GPHN: variants seen among roughly 807,000 people sequenced by gnomAD.
GPHN encodes the protein gephyrin.
A neutral mutation model predicts 95.5 loss-of-function variants in GPHN; 17 were observed. That is an observed-to-expected ratio of 0.18 (90% CI 0.12 to 0.27). The LOEUF is 0.27. Among genes scored for constraint, GPHN ranks in the 10% least tolerant of loss-of-function variants. The pLI is 1.00. For missense variants in GPHN, 660 were observed against 978.1 expected (o/e 0.67, Z 4.34); for synonymous variants, 320 against 322.5 (o/e 0.99, Z 0.08).
chr14:67,080,562 C>G (rs1485210639), intron 11 of GPHN, among the ~76,000 whole-genome samples: 1 of 151,930 alleles, frequency 6.6e-6, no homozygotes, highest in Non-Finnish European at 1.5e-5. Context: ...GTCTTTAATG[C>G]AGGTTGAGTT....
chr14:67,347,907 A>G, the GPHN span, among the ~76,000 whole-genome samples: 1 of 133,156 alleles, frequency 7.5e-6, no homozygotes, highest in African/African-American at 3.3e-5. Flanking sequence ...GAATTTAGGA[A>G]CTTGCCTTCT....
the GPHN span, among the ~76,000 whole-genome samples, chr14:67,399,072 A>G: frequency 6.6e-6 from 1 of 152,214 alleles, no homozygotes; most frequent in Admixed American, 6.5e-5. Context: ...ATATATTCCT[A>G]GAAAGAATAT....
the GPHN span, among the ~76,000 whole-genome samples, chr14:67,440,169 T>C: frequency 6.6e-6 from 1 of 152,214 alleles, no homozygotes; most frequent in East Asian, 1.9e-4. Context: ...ATCTGCATTT[T>C]CTTTATTGTG....
chr14:66,715,261 AC>A (rs1278577289), intron 2 of GPHN, among the ~76,000 whole-genome samples: 2 of 151,940 alleles, frequency 1.3e-5, no homozygotes, highest in Non-Finnish European at 2.9e-5. Flanking sequence ...TAGTTTATGC[AC>A]ATTAAGGTGT....
chr14:67,402,377 A>AG, the GPHN span, among the ~76,000 whole-genome samples: 1 of 152,188 alleles, frequency 6.6e-6, no homozygotes, highest in East Asian at 1.9e-4. Flanking sequence ...CACATTATGG[A>AG]GAATGGGGTA....
At chr14:67,015,528 C>G (rs1035511525) in intron 9 of GPHN, among the ~76,000 whole-genome samples, 1 of 152,008 alleles carries the variant, frequency 6.6e-6, no homozygotes, top group Admixed American at 6.6e-5. Context: ...GATACCTCAT[C>G]TCTACTAAAA....
At chr14:67,243,438 T>C in the GPHN span, among the ~76,000 whole-genome samples, 1 of 151,190 alleles carries the variant, frequency 6.6e-6, no homozygotes, top group African/African-American at 2.4e-5. Flanking sequence ...TCCACCCGCC[T>C]CGGCCTCCTG....
chr14:67,133,996 A>G (rs1595306950), intron 17 of GPHN, among the ~76,000 whole-genome samples: 1 of 152,228 alleles, frequency 6.6e-6, no homozygotes. Flanking sequence ...ACAAGTATCA[A>G]ATTGCATCAG....
intron 2 of GPHN, among the ~76,000 whole-genome samples, chr14:66,723,538 A>G (rs2070947334): frequency 3.3e-5 from 5 of 152,240 alleles, no homozygotes; most frequent in African/African-American, 1.2e-4. Context: ...TATCTAAAAT[A>G]TCACAGAAGC....
At chr14:67,627,041 T>G in the GPHN span, among the ~76,000 whole-genome samples, 1 of 152,044 alleles carries the variant, frequency 6.6e-6, no homozygotes, top group African/African-American at 2.4e-5. Flanking sequence ...AGAAAGGAGA[T>G]TAGTGGTTCC....
intron 2 of GPHN, among the ~76,000 whole-genome samples, chr14:66,752,196 A>G (rs1234183155): frequency 4.6e-5 from 7 of 152,004 alleles, no homozygotes; most frequent in Admixed American, 4.6e-4. Flanking sequence ...TATCAAGACC[A>G]CTCAGACTTT....
At chr14:67,569,275 C>A in the GPHN span, 1 of 1,268,340 alleles carries the variant, frequency 7.9e-7, no homozygotes, top group Non-Finnish European at 1.2e-6. Context: ...GGTGGGCAAG[C>A]GGGGAGGAGA....
chr14:66,673,325 C>T (rs1806302067), intron 1 of GPHN, among the ~76,000 whole-genome samples: 1 of 152,156 alleles, frequency 6.6e-6, no homozygotes, highest in Non-Finnish European at 1.5e-5. Context: ...ATCTCCTGAC[C>T]TCATGATCCG....
intron 1 of GPHN, among the ~76,000 whole-genome samples, chr14:66,531,724 T>G (rs1246451534): frequency 6.6e-6 from 1 of 152,194 alleles, no homozygotes; most frequent in African/African-American, 2.4e-5. Context: ...CTTTGCATGG[T>G]GTTAGGCTAA....
chr14:67,394,350 C>T, the GPHN span, among the ~76,000 whole-genome samples: 22 of 151,734 alleles, frequency 1.4e-4, no homozygotes, highest in African/African-American at 5.3e-4. Context: ...GAGCCATGAT[C>T]GAGCCACTGC....
chr14:67,197,862 T>A, the GPHN span, among the ~76,000 whole-genome samples: 1 of 152,030 alleles, frequency 6.6e-6, no homozygotes, highest in East Asian at 1.9e-4. Flanking sequence ...ACTATATGTA[T>A]CTGTTTTCAA....
At chr14:67,078,105 T>G (rs1180793506) in intron 11 of GPHN, among the ~76,000 whole-genome samples, 2 of 152,178 alleles carry the variant, frequency 1.3e-5, no homozygotes, top group Non-Finnish European at 2.9e-5. Context: ...AGTCAGACCA[T>G]GAAAGCAGGA....
intron 2 of GPHN, among the ~76,000 whole-genome samples, chr14:66,725,860 A>C (rs565225543): frequency 6.6e-4 from 101 of 152,344 alleles, no homozygotes; most frequent in African/African-American, 2.3e-3. Flanking sequence ...TCATGTATGC[A>C]TGCCTGGTAT....
At position 66,957,187 on chromosome 14, in the gene GPHN, C is replaced by CTTTTT. The variant is rs1157690518; in HGVS notation, c.829-7982_829-7978dup. Among the ~76,000 whole-genome samples, 212 of 84,844 alleles carry CTTTTT rather than the reference C, an allele frequency of 2.5e-3. 2 individuals carry two copies. The highest frequency in any genetic ancestry group is 3.3e-3 in the African/African-American group (61 of 18,510). The allele number at this position is 84,844 out of a possible 152,430, so 55.7% of individuals were successfully genotyped here. On this transcript the variant is annotated intron_variant, in intron 8 of 22. Coordinates refer to ENST00000478722, the MANE Select transcript of GPHN (RefSeq NM_020806.5). Reference sequence around the variant, plus strand: ...GTAAATTTCTCAAATTTCTTTCTTTCTTTTTTTTTTTTTTTTTTTTTTTTT... The same window carrying CTTTTT: ...GTAAATTTCTCAAATTTCTTTCTTTCTTTTTTTTTTTTTTTTTTTTTTTTTTTTTT...
Sources: allele counts gnomAD v4.1 joint callset (sites outside exome capture counted in the v4.1 genomes callset), GRCh38; gene constraint gnomAD v4.1.1; transcripts MANE v1.5; gene names NCBI Gene and HGNC (gene_info 2026-07-23, HGNC 2026-07-21).